The following PLD5 variants were observed in gnomAD, a reference collection of about 807,000 sequenced individuals.
PLD5 encodes the protein inactive phospholipase D5.
In PLD5, 36 loss-of-function variants were observed where a neutral mutation model predicts 61.1. The ratio of observed to expected loss-of-function variants is 0.59; its 90% CI spans 0.45 to 0.78. The LOEUF (loss-of-function observed/expected upper bound fraction) is 0.78, where lower values mean the gene tolerates loss of function less well. PLD5 is among the 30% of genes least tolerant of loss of function. The pLI is 0.00. For synonymous variants in PLD5, 243 were observed against 242.8 expected, an observed-to-expected ratio of 1.00 and a Z score of -0.01; for missense variants, 515 against 644.4, an observed-to-expected ratio of 0.80 and a Z score of 2.17.
At chr1:242,367,101 G>A (rs1318641994) in intron 1 of PLD5, among the ~76,000 whole-genome samples, 1 of 152,002 alleles carries the variant, frequency 6.6e-6, no homozygotes, top group Non-Finnish European at 1.5e-5. Context: ...TGAGCACAGA[G>A]CCCTACTCTA....
At position 242,264,080 on chromosome 1, in the gene PLD5, AC is replaced by A. The variant is rs113715432; in HGVS notation, c.607+1256del. Among the ~76,000 whole-genome samples, 1,257 of 152,100 alleles carry A rather than the reference AC, an allele frequency of 8.3e-3. 5 individuals are homozygous for A. Among genetic ancestry groups the A allele is most frequent in the Non-Finnish European group, 0.013 (902 of 68,014 alleles). ...AAGGAAAATCATCTGCAAATACAGG[AC>A]CCTCGGTTAACCAAAAGTAATCAAT... On this transcript the variant is annotated intron_variant, in intron 4 of 9. Coordinates refer to ENST00000536534, the MANE Select transcript of PLD5 (RefSeq NM_001372062.1).
At chr1:242,512,956 C>T (rs961932034) in intron 1 of PLD5, among the ~76,000 whole-genome samples, 8 of 151,904 alleles carry the variant, frequency 5.3e-5, no homozygotes, top group Non-Finnish European at 7.4e-5. Flanking sequence ...ATTGCAGTCT[C>T]GTCCTCCTGA....
At chr1:242,297,546 C>T (rs1484916502) in intron 2 of PLD5, among the ~76,000 whole-genome samples, 2 of 151,104 alleles carry the variant, frequency 1.3e-5, no homozygotes, top group Non-Finnish European at 2.9e-5. Context: ...GCTGGGAGTA[C>T]AGGCATGCAC....
At chr1:242,356,839 AT>A (rs1257659793) in intron 1 of PLD5, among the ~76,000 whole-genome samples, 1 of 152,134 alleles carries the variant, frequency 6.6e-6, no homozygotes, top group East Asian at 1.9e-4. Context: ...TCCAAATTTT[AT>A]GCTTTTGATG....
At position 242,220,121 on chromosome 1, in the gene PLD5, A is replaced by T. The variant is rs1368065883; in HGVS notation, c.608-6T>A. ...CATGTACGTCACCTCGGCTCCTAGGAGTTCAAGGACAGTCTGGTCAGCCTC... is the reference window on the plus strand; with the variant it reads ...CATGTACGTCACCTCGGCTCCTAGGTGTTCAAGGACAGTCTGGTCAGCCTC... On this transcript the variant is annotated splice_polypyrimidine_tract_variant and splice_region_variant and intron_variant, in intron 4 of 9. Transcript: ENST00000536534. The T allele has an allele frequency of 1.2e-6, 2 of 1,613,816 alleles. No homozygotes were observed. Among genetic ancestry groups the T allele is most frequent in the Non-Finnish European group, 1.7e-6 (2 of 1,179,912 alleles).
intron 1 of PLD5, among the ~76,000 whole-genome samples, chr1:242,392,111 A>G (rs1469098653): frequency 6.6e-6 from 1 of 152,202 alleles, no homozygotes; most frequent in Non-Finnish European, 1.5e-5. Context: ...TTGTAGAAAC[A>G]TGGAAGCAGC....
intron 1 of PLD5, among the ~76,000 whole-genome samples, chr1:242,383,133 T>G (rs1662395196): frequency 6.6e-6 from 1 of 152,216 alleles, no homozygotes; most frequent in Non-Finnish European, 1.5e-5. Context: ...ATCTCAGTTC[T>G]GAGAGTCCCA....
chr1:242,297,888 C>T (rs1050688405), intron 2 of PLD5, among the ~76,000 whole-genome samples: 2 of 151,974 alleles, frequency 1.3e-5, no homozygotes, highest in Non-Finnish European at 2.9e-5. Context: ...ATCCACCCGC[C>T]TCGGCCTCCC....
chr1:242,194,735 G>T (rs1218686222), intron 5 of PLD5, among the ~76,000 whole-genome samples: 1 of 152,002 alleles, frequency 6.6e-6, no homozygotes. Flanking sequence ...CAGCAAACTG[G>T]ATGGGACTGG....
At chr1:242,173,009 T>C (rs1421110687) in intron 5 of PLD5, among the ~76,000 whole-genome samples, 2 of 151,920 alleles carry the variant, frequency 1.3e-5, no homozygotes, top group Non-Finnish European at 2.9e-5. Context: ...AGGGATGCCC[T>C]CTCTCACCAC....
chr1:242,154,348 T>G (rs988056525), intron 5 of PLD5, among the ~76,000 whole-genome samples: 1 of 152,178 alleles, frequency 6.6e-6, no homozygotes, highest in African/African-American at 2.4e-5. Flanking sequence ...TTTTCTTGCC[T>G]GATTGCCCTG....
chr1:242,522,899 A>T (rs990716867), intron 1 of PLD5, among the ~76,000 whole-genome samples: 1 of 152,232 alleles, frequency 6.6e-6, no homozygotes, highest in Admixed American at 6.5e-5. Context: ...GCTTCATATT[A>T]GAGCTTTCAG....
At chr1:242,200,969 C>T (rs1335840448) in intron 5 of PLD5, among the ~76,000 whole-genome samples, 1 of 152,180 alleles carries the variant, frequency 6.6e-6, no homozygotes, top group East Asian at 1.9e-4. Context: ...TTCAGAGCCA[C>T]CAGTTCTAGA....
At chr1:242,271,417 G>A (rs1674075232) in intron 3 of PLD5, among the ~76,000 whole-genome samples, 1 of 151,746 alleles carries the variant, frequency 6.6e-6, no homozygotes, top group Non-Finnish European at 1.5e-5. Flanking sequence ...TGAAGGTGAA[G>A]GCAAATTTGA....
intron 1 of PLD5, among the ~76,000 whole-genome samples, chr1:242,420,843 G>A (rs747436496): frequency 3.9e-5 from 6 of 152,066 alleles, no homozygotes; most frequent in African/African-American, 1.5e-4. Context: ...TTCAAAAAAT[G>A]CATGTCCATT....
chr1:242,400,372 C>A (rs1663859298), intron 1 of PLD5, among the ~76,000 whole-genome samples: 1 of 151,506 alleles, frequency 6.6e-6, no homozygotes. Flanking sequence ...GAATATCCCA[C>A]TATTCAGGCT....
chr1:242,091,092 C>T lies in PLD5; in HGVS notation c.1355-982G>A, dbSNP rs575778523. ...TCTGTCTCTTCATATTGTCTTCCCT[C>T]TATGCATGTCTCTGTCCAAATTTCC... On this transcript the variant is annotated intron_variant, in intron 9 of 9. Coordinates refer to ENST00000536534, the MANE Select transcript of PLD5 (RefSeq NM_001372062.1). 2.0e-4 allele frequency among the ~76,000 whole-genome samples: 30 copies of T among 152,118 alleles called. No individual in the cohort carries two copies. In the South Asian group the frequency reaches 6.0e-3, roughly 31 times the overall value.
intron 1 of PLD5, among the ~76,000 whole-genome samples, chr1:242,382,953 C>T (rs996056008): frequency 6.6e-5 from 10 of 151,694 alleles, no homozygotes; most frequent in African/African-American, 2.2e-4. Flanking sequence ...AATCATTTCT[C>T]TTAGATTTAA....
intron 7 of PLD5, 131 bp from the exon 8 acceptor site, chr1:242,107,970 C>T (rs182993843): frequency 1.6e-5 from 13 of 830,756 alleles, no homozygotes; most frequent in East Asian, 5.9e-5. Context: ...GCAACCTCAT[C>T]GGAGAGGCTG....
Sources: gnomAD v4.1 joint callset for allele counts (sites outside exome capture counted in the v4.1 genomes callset) on GRCh38, gnomAD v4.1.1 for gene constraint, MANE v1.5 for transcripts, NCBI Gene and HGNC (gene_info 2026-07-23, HGNC 2026-07-21) for gene names.